Variants in NTRK2 observed in about 807,000 individuals in gnomAD.
The protein encoded by NTRK2 is BDNF/NT-3 growth factors receptor.
Under a neutral mutation model 94.5 loss-of-function variants are expected in NTRK2, and 13 were observed. The observed-to-expected ratio is 0.14, with a 90% confidence interval of 0.09 to 0.22. The LOEUF (loss-of-function observed/expected upper bound fraction) is 0.22, where lower values mean the gene tolerates loss of function less well. Among genes scored for constraint, NTRK2 ranks in the 10% least tolerant of loss-of-function variants. The pLI is 1.00. For missense variants in NTRK2, 639 were observed against 1,071.2 expected, an observed-to-expected ratio of 0.60 and a Z score of 5.63; for synonymous variants, 372 against 407.4, an observed-to-expected ratio of 0.91 and a Z score of 1.05.
intron 17 of NTRK2, among the ~76,000 whole-genome samples, chr9:84,965,356 A>G (rs1305052916): frequency 2.0e-5 from 3 of 152,336 alleles, no homozygotes; most frequent in Admixed American, 1.3e-4. Context: ...TTCCCCAAGG[A>G]AAACCACACG....
At chr9:84,974,774 G>A (rs1165871925) in intron 17 of NTRK2, among the ~76,000 whole-genome samples, 12 of 152,126 alleles carry the variant, frequency 7.9e-5, no homozygotes, top group Admixed American at 7.9e-4. Context: ...CTTCCAAGTG[G>A]AGGTGCATGT....
chr9:84,978,794 C>T (rs1332822233), intron 17 of NTRK2, among the ~76,000 whole-genome samples: 1 of 152,198 alleles, frequency 6.6e-6, no homozygotes, highest in East Asian at 1.9e-4. Flanking sequence ...GCTAATGCAG[C>T]TGGTGACTTT....
chr9:84,700,070 A>G (rs2060630496), intron 2 of NTRK2, among the ~76,000 whole-genome samples: 1 of 152,240 alleles, frequency 6.6e-6, no homozygotes, highest in Non-Finnish European at 1.5e-5. Context: ...TGACTTCAGG[A>G]CAGTGACAGG....
At chr9:84,894,184 C>CGG (rs1564440912) in intron 14 of NTRK2, among the ~76,000 whole-genome samples, 3 of 4,328 alleles carry the variant, frequency 6.9e-4, no homozygotes, top group African/African-American at 2.1e-3. Context: ...ATTTTTATAA[C>CGG]ACATTGAATA....
chr9:84,919,411 C>G (rs1041369897), intron 14 of NTRK2, among the ~76,000 whole-genome samples: 9 of 152,162 alleles, frequency 5.9e-5, no homozygotes, highest in Non-Finnish European at 1.3e-4. Context: ...CTCCAGAATG[C>G]CTAGTATGCT....
chr9:84,951,306 A>G (rs1003071612), intron 16 of NTRK2, among the ~76,000 whole-genome samples: 1 of 152,228 alleles, frequency 6.6e-6, no homozygotes, highest in Non-Finnish European at 1.5e-5. Flanking sequence ...GTGATAGGAC[A>G]GGGGATGACT....
chr9:84,761,705 G>A (rs1204567747), intron 12 of NTRK2, among the ~76,000 whole-genome samples: 1 of 152,172 alleles, frequency 6.6e-6, no homozygotes, highest in African/African-American at 2.4e-5. Context: ...TGCATCTGGA[G>A]CCAACACTAA....
intron 14 of NTRK2, among the ~76,000 whole-genome samples, chr9:84,895,086 A>G (rs2076720592): frequency 6.6e-6 from 1 of 152,238 alleles, no homozygotes; most frequent in Admixed American, 6.5e-5. Flanking sequence ...GGGAGACAGC[A>G]GGATATTGAC....
intron 14 of NTRK2, among the ~76,000 whole-genome samples, chr9:84,928,730 G>A (rs566219246): frequency 6.6e-6 from 1 of 152,272 alleles, no homozygotes; most frequent in South Asian, 2.1e-4. Context: ...TCCTATCACA[G>A]TATTCAGTCC....
At chr9:84,847,874 G>C (rs1464293946) in intron 12 of NTRK2, among the ~76,000 whole-genome samples, 2 of 152,176 alleles carry the variant, frequency 1.3e-5, no homozygotes, top group Non-Finnish European at 2.9e-5. Flanking sequence ...AACTATATTA[G>C]TCTGCTCAGG....
At chr9:84,883,289 C>G (rs2076319785) in intron 14 of NTRK2, among the ~76,000 whole-genome samples, 1 of 152,200 alleles carries the variant, frequency 6.6e-6, no homozygotes, top group Admixed American at 6.5e-5. Context: ...AGGTGGCAAG[C>G]TCCCTGAGGA....
chr9:84,739,260 A>G (rs576819289), intron 9 of NTRK2, among the ~76,000 whole-genome samples: 25 of 152,288 alleles, frequency 1.6e-4, no homozygotes, highest in African/African-American at 5.1e-4. Context: ...CATGTTGCCC[A>G]GGCTGGTCTT....
intron 2 of NTRK2, among the ~76,000 whole-genome samples, chr9:84,678,426 A>G (rs190345463): frequency 6.6e-6 from 1 of 152,340 alleles, no homozygotes; most frequent in East Asian, 1.9e-4. Context: ...AACCTCTGCA[A>G]TATAGTGCAA....
intron 17 of NTRK2, among the ~76,000 whole-genome samples, chr9:85,010,850 T>A (rs1020344235): frequency 1.3e-5 from 2 of 152,180 alleles, no homozygotes; most frequent in Admixed American, 1.3e-4. Context: ...TATAATCGCT[T>A]CTAAAACTAG....
rs535588463 is a variant in NTRK2, at chr9:84,983,712, T to C, written c.2172+28195T>C. ...CCACTGTCAGGTACAAAAAACTAGT[T>C]ATTTTAACATCCCTACTGCCCCTCC... On this transcript the variant is annotated intron_variant, in intron 17 of 18. Coordinates refer to ENST00000277120, the MANE Select transcript of NTRK2 (RefSeq NM_006180.6). Among the ~76,000 whole-genome samples, 48 of 152,300 alleles carry C rather than the reference T, an allele frequency of 3.2e-4. 1 individual carries two copies. The highest frequency in any genetic ancestry group is 1.0e-3 in the South Asian group (5 of 4,820).
At chr9:84,792,799 A>T (rs2068862196) in intron 12 of NTRK2, among the ~76,000 whole-genome samples, 1 of 143,310 alleles carries the variant, frequency 7.0e-6, no homozygotes, top group African/African-American at 2.5e-5. Context: ...GCCCAAGGTC[A>T]CAAATTAGTA....
At chr9:84,864,739 T>TTC (rs1564403747) in intron 13 of NTRK2, among the ~76,000 whole-genome samples, 1 of 131,064 alleles carries the variant, frequency 7.6e-6, no homozygotes, top group Non-Finnish European at 1.6e-5. Context: ...TAATTTTCTT[T>TTC]TTTTTTTTTT....
Position 84,811,534 on chromosome 9 carries a change from A to G in NTRK2, c.1397-49506A>G, listed in dbSNP as rs201153003. Reference sequence around the variant, plus strand: ...GGCCACAGTATCTCATGCTGTTTGCATTACAGAACTGCAGCTTTTCTACTC... The same window carrying G: ...GGCCACAGTATCTCATGCTGTTTGCGTTACAGAACTGCAGCTTTTCTACTC... On this transcript the variant is annotated intron_variant, in intron 12 of 18. Coordinates refer to ENST00000277120, the MANE Select transcript of NTRK2 (RefSeq NM_006180.6). The G allele has an allele frequency of 2.9e-5, 31 of 1,065,384 alleles. No individual in the cohort carries two copies. In the East Asian group the frequency reaches 1.5e-3, roughly 51 times the overall value. The allele number at this position is 1,065,384 out of a possible 1,614,324, so 66.0% of individuals were successfully genotyped here.
At chr9:84,732,130 A>G (rs776187511) in intron 9 of NTRK2, among the ~76,000 whole-genome samples, 2 of 152,228 alleles carry the variant, frequency 1.3e-5, no homozygotes, top group Admixed American at 6.5e-5. Flanking sequence ...AATGAAATCT[A>G]GAAAACCATG....
Sources: allele counts gnomAD v4.1 joint callset (sites outside exome capture counted in the v4.1 genomes callset), GRCh38; gene constraint gnomAD v4.1.1; transcripts MANE v1.5; gene names NCBI Gene and HGNC (gene_info 2026-07-23, HGNC 2026-07-21).